The following TMEM232 variants were observed in gnomAD, a reference collection of about 807,000 sequenced individuals.
The protein encoded by TMEM232 is transmembrane protein 232.
In TMEM232, 80 loss-of-function variants were observed where a neutral mutation model predicts 78.8. The observed-to-expected ratio is 1.01, with a 90% CI of 0.85 to 1.22. The LOEUF (loss-of-function observed/expected upper bound fraction) is 1.22. Ranked by LOEUF, TMEM232 falls within the 50% of genes most tolerant of loss-of-function variation. TMEM232 has a pLI of 0.00. For missense variants in TMEM232, 881 were observed against 742.2 expected (o/e 1.19, Z -2.17); for synonymous variants, 297 against 254.3 (o/e 1.17, Z -1.60).
intron 12 of TMEM232, among the ~76,000 whole-genome samples, chr5:110,436,176 T>G (rs1003544183): frequency 1.3e-5 from 2 of 152,020 alleles, no homozygotes; most frequent in Admixed American, 6.6e-5. Flanking sequence ...GATATCTCGT[T>G]GTAGTTTTGA....
intron 5 of TMEM232, among the ~76,000 whole-genome samples, chr5:110,387,518 AACT>A (rs1479251091): frequency 1.3e-5 from 2 of 152,212 alleles, no homozygotes; most frequent in Non-Finnish European, 2.9e-5. Context: ...GAAAAAAATA[AACT>A]ACGACTTTTT....
At chr5:110,538,892 A>T (rs1007426941) in intron 11 of TMEM232, among the ~76,000 whole-genome samples, 1 of 151,958 alleles carries the variant, frequency 6.6e-6, no homozygotes, top group African/African-American at 2.4e-5. Flanking sequence ...GTTCATGACC[A>T]TTACAGGAAT....
In TMEM232 at chr5:110,584,439, C is replaced by T. The variant is rs62376086; in HGVS notation, c.1277-15814G>A. Among the ~76,000 whole-genome samples the T allele has an allele frequency of 7.5e-3, 1,137 of 152,106 alleles. 14 individuals are homozygous for T. Among genetic ancestry groups the T allele is most frequent in the Non-Finnish European group, 0.013 (895 of 67,934 alleles). ...TACATGATTCCACTAAATGAGGTATCTAAAATAGTTAAGCTGCCCGAGGCA... is the reference window on the plus strand; with the variant it reads ...TACATGATTCCACTAAATGAGGTATTTAAAATAGTTAAGCTGCCCGAGGCA... On this transcript the variant is annotated intron_variant, in intron 10 of 13. Transcript: ENST00000455884.
chr5:110,567,579 T>C (rs1776481613), intron 11 of TMEM232, among the ~76,000 whole-genome samples: 1 of 151,958 alleles, frequency 6.6e-6, no homozygotes, highest in Admixed American at 6.6e-5. Flanking sequence ...TTCTAAATTA[T>C]AATTTAGGCT....
At chr5:110,685,171 G>C (rs1030745136) in intron 1 of TMEM232, among the ~76,000 whole-genome samples, 1 of 152,034 alleles carries the variant, frequency 6.6e-6, no homozygotes, top group African/African-American at 2.4e-5. Flanking sequence ...AGAATTAAAT[G>C]ATAGTAAAAT....
chr5:110,656,198 G>T (rs920132988), intron 2 of TMEM232, among the ~76,000 whole-genome samples: 16 of 152,248 alleles, frequency 1.1e-4, no homozygotes, highest in African/African-American at 3.9e-4. Flanking sequence ...GTTCACCATT[G>T]TAGCCCCCAA....
intron 11 of TMEM232, among the ~76,000 whole-genome samples, chr5:110,553,488 T>C (rs1287184738): frequency 6.6e-6 from 1 of 152,162 alleles, no homozygotes. Context: ...TTTGTGACTA[T>C]TGTGAATGGT....
chr5:110,445,956 A>G (rs899633311), intron 12 of TMEM232, among the ~76,000 whole-genome samples: 2 of 152,170 alleles, frequency 1.3e-5, no homozygotes, highest in African/African-American at 4.8e-5. Context: ...TATTCTATTC[A>G]TTAGAAATGA....
intron 12 of TMEM232, among the ~76,000 whole-genome samples, chr5:110,519,873 A>G (rs919266836): frequency 4.0e-5 from 6 of 150,580 alleles, no homozygotes; most frequent in African/African-American, 1.5e-4. Flanking sequence ...CCAGGCCAGA[A>G]AGACAAATAC....
intron 13 of TMEM232, among the ~76,000 whole-genome samples, chr5:110,423,442 A>G (rs1033822710): frequency 7.9e-5 from 12 of 152,200 alleles, no homozygotes; most frequent in African/African-American, 2.9e-4. Context: ...TAAGTGATAT[A>G]TACATGAATA....
chr5:110,686,555 T>C (rs1031693984), intron 1 of TMEM232, among the ~76,000 whole-genome samples: 2 of 151,878 alleles, frequency 1.3e-5, no homozygotes, highest in Non-Finnish European at 2.9e-5. Context: ...ACTCCAAAAC[T>C]GTGCGAGTTG....
chr5:110,679,957 CAG>C (rs1470612224), intron 1 of TMEM232, among the ~76,000 whole-genome samples: 1 of 152,084 alleles, frequency 6.6e-6, no homozygotes, highest in Non-Finnish European at 1.5e-5. Flanking sequence ...TGGTACTCTA[CAG>C]AGAGTTGGAA....
intron 11 of TMEM232, among the ~76,000 whole-genome samples, chr5:110,547,898 T>A (rs1181051378): frequency 2.7e-5 from 4 of 147,464 alleles, no homozygotes; most frequent in Non-Finnish European, 5.9e-5. Flanking sequence ...CTCAGGAGTC[T>A]GAGGCAGGAG....
intron 12 of TMEM232, among the ~76,000 whole-genome samples, chr5:110,525,296 T>C (rs1240918107): frequency 6.6e-6 from 1 of 151,984 alleles, no homozygotes; most frequent in African/African-American, 2.4e-5. Context: ...ATTATTTATA[T>C]CTGACAGAAT....
intron 12 of TMEM232, among the ~76,000 whole-genome samples, chr5:110,452,778 A>AT (rs1760460636): frequency 6.6e-6 from 1 of 152,246 alleles, no homozygotes; most frequent in African/African-American, 2.4e-5. Context: ...TAAAGACATT[A>AT]TTGGAAGAAC....
At chr5:110,645,342 G>A (rs1787331365) in intron 2 of TMEM232, among the ~76,000 whole-genome samples, 1 of 150,670 alleles carries the variant, frequency 6.6e-6, no homozygotes, top group Non-Finnish European at 1.5e-5. Context: ...TACTAGCAAA[G>A]CAAATATAAT....
intron 2 of TMEM232, among the ~76,000 whole-genome samples, chr5:110,664,619 T>C (rs1212091544): frequency 6.6e-6 from 1 of 152,206 alleles, no homozygotes; most frequent in Non-Finnish European, 1.5e-5. Flanking sequence ...CTGGGTGACT[T>C]AAACATTTTA....
At chr5:110,691,012 T>C (rs1223900996) in intron 1 of TMEM232, among the ~76,000 whole-genome samples, 10 of 151,646 alleles carry the variant, frequency 6.6e-5, no homozygotes, top group Admixed American at 4.6e-4. Flanking sequence ...ATAGGAGAAA[T>C]ACCTAAGTTA....
chr5:110,536,359 C>T (rs1182377156), intron 11 of TMEM232, among the ~76,000 whole-genome samples: 2 of 152,206 alleles, frequency 1.3e-5, no homozygotes, highest in African/African-American at 4.8e-5. Context: ...CTGGCCAGGG[C>T]CACTCTCTGG....
Sources: allele counts gnomAD v4.1 joint callset (sites outside exome capture counted in the v4.1 genomes callset), GRCh38; gene constraint gnomAD v4.1.1; transcripts MANE v1.5; gene names NCBI Gene and HGNC (gene_info 2026-07-23, HGNC 2026-07-21).